Variants in PODNL1 observed in about 807,000 individuals in gnomAD.
PODNL1 encodes the protein podocan like 1.
In PODNL1, 50 loss-of-function variants were observed where a neutral mutation model predicts 45.1. The observed-to-expected ratio is 1.11, with a 90% CI of 0.88 to 1.40. The LOEUF is 1.40. Among genes scored for constraint, PODNL1 ranks in the 40% most tolerant of loss-of-function variants. The pLI, the probability that PODNL1 is intolerant of heterozygous loss-of-function variation, is 0.00. For synonymous variants in PODNL1, 406 were observed against 372.5 expected (o/e 1.09, Z -1.04); for missense variants, 788 against 793.3 (o/e 0.99, Z 0.08).
At chr19:13,935,458 C>T (rs563127453) in intron 5 of PODNL1, among the ~76,000 whole-genome samples, 1 of 152,230 alleles carries the variant, frequency 6.6e-6, no homozygotes, top group East Asian at 1.9e-4. Flanking sequence ...TCCTGAGTGG[C>T]GGGGATTACA....
upstream of PODNL1, among the ~76,000 whole-genome samples, chr19:13,939,370 C>T (rs1273571668): frequency 6.6e-6 from 1 of 152,142 alleles, no homozygotes; most frequent in Admixed American, 6.5e-5. Context: ...TCCCACCATG[C>T]CCAGCTAATT....
chr19:13,950,188 G>A (rs1390948957), intron 1 of PODNL1, among the ~76,000 whole-genome samples: 1 of 146,554 alleles, frequency 6.8e-6, no homozygotes, highest in Non-Finnish European at 1.5e-5. Context: ...TTTTATTTGA[G>A]ACAAGGTCTC....
rs1971947295 is a variant in PODNL1 at position 13,931,678 on chromosome 19, C to T, written c.*59G>A. On this transcript the variant is annotated 3_prime_UTR_variant, in exon 10 of 10. Transcript: ENST00000588872. The stretch of plus-strand genomic sequence containing the variant: ...GGGCCCCTGGTGGGCGTTGTCTCCT[C>T]AGTCCACGGCCCAGCGGAGTCCCAG... 1 of 1,230,376 alleles carries T rather than the reference C, an allele frequency of 8.1e-7. No individual in the cohort carries two copies. Among genetic ancestry groups the T allele is most frequent in the Non-Finnish European group, 1.0e-6 (1 of 986,990 alleles). 76.2% of individuals were successfully genotyped at this position (1,230,376 alleles called of 1,614,324 possible). A position where few individuals can be genotyped will look rare whatever the true frequency, so the allele number is the denominator to read the frequency against.
chr19:13,943,251 G>A (rs768485039), upstream of PODNL1, among the ~76,000 whole-genome samples: 1 of 149,064 alleles, frequency 6.7e-6, no homozygotes, highest in African/African-American at 2.5e-5. Context: ...AGCTGAGATC[G>A]CGCCATTGCA....
chr19:13,947,046 C>A (rs867057241), intron 1 of PODNL1, among the ~76,000 whole-genome samples: 145 of 136,526 alleles, frequency 1.1e-3, no homozygotes, highest in Middle Eastern at 3.6e-3. Flanking sequence ...AAAAAAAACA[C>A]AAAAAAACAA....
intron 3 of PODNL1, 85 bp from the exon 4 acceptor site, chr19:13,936,129 T>TCGGCCCA: frequency 7.9e-7 from 1 of 1,267,468 alleles, no homozygotes; most frequent in Non-Finnish European, 1.1e-6. Context: ...CCCAGGACTC[T>TCGGCCCA]CGGCCGGGGA....
In PODNL1 at chr19:13,932,949, C is replaced by A. The variant is rs1002436659; in HGVS notation, c.1274G>T (p.Arg425Leu). The A allele has an allele frequency of 5.8e-6, 9 of 1,561,704 alleles. No homozygotes were observed. In the African/African-American group the frequency reaches 1.2e-4, roughly 21 times the overall value. ...RLPMGLPTGLRTLQLQRNQLR... is the reference protein window; with the variant it reads ...RLPMGLPTGLLTLQLQRNQLR... ...CTGGTTGCGTTGCAGCTGCAGGGTG[C>A]GCAGGCCAGTGGGCAGGCCCATGGG... The change falls in exon 8 of 10, where the codon CGC becomes CTC. Residue 425 changes from arginine to leucine, a missense_variant. This residue lies in a region of PODNL1 where 762 missense variants were observed against 750.9 expected (regional missense o/e 1.01). Transcript: ENST00000588872.
chr19:13,943,618 C>T (rs1012437078), intron 1 of PODNL1, among the ~76,000 whole-genome samples: 5 of 152,096 alleles, frequency 3.3e-5, no homozygotes, highest in East Asian at 1.9e-4. Flanking sequence ...CATGCCACCA[C>T]GCCCGGCTAA....
At chr19:13,940,172 C>G (rs988666309), upstream of PODNL1, among the ~76,000 whole-genome samples, 1 of 151,976 alleles carries the variant, frequency 6.6e-6, no homozygotes, top group Non-Finnish European at 1.5e-5. Flanking sequence ...GCCTGTAATC[C>G]CAACACTTTT....
In PODNL1 at chr19:13,938,069, G is replaced by A. The variant is rs754851042; in HGVS notation, c.4-63C>T. Reference sequence around the variant, plus strand: ...GCGCAGGGTCGCCATGGTGACTGGAGCATCCCCTCCTCGGGGAGGGTCTTG... The same window carrying A: ...GCGCAGGGTCGCCATGGTGACTGGAACATCCCCTCCTCGGGGAGGGTCTTG... On this transcript the variant is annotated intron_variant, in intron 1 of 9. Transcript: ENST00000588872. 340 of 1,452,458 alleles carry A rather than the reference G, an allele frequency of 2.3e-4. 1 individual carries two copies. The highest frequency in any genetic ancestry group is 2.9e-4 in the Non-Finnish European group (313 of 1,078,072). The allele number at this position is 1,452,458 out of a possible 1,614,324, so 90.0% of individuals were successfully genotyped here. A position where few individuals can be genotyped will look rare whatever the true frequency, so the allele number is the denominator to read the frequency against.
At chr19:13,942,534 A>G (rs568150499), upstream of PODNL1, among the ~76,000 whole-genome samples, 97 of 152,188 alleles carry the variant, frequency 6.4e-4, no homozygotes, top group South Asian at 1.2e-3. Flanking sequence ...CTTCTGCCAC[A>G]CTGTCCTGTC....
rs932203302 is a variant in PODNL1 at position 13,948,183 on chromosome 19, A to ATTTTC, written c.18+4931_18+4935dup. On this transcript the variant is annotated intron_variant, in intron 1 of 7. Coordinates refer to the PODNL1 transcript ENST00000538371. ...TGAGCCACCACGGCCAATATTCTCC[A>ATTTTC]TTTTCTTTTCTTTTCTTTTCTTTTT... Among the ~76,000 whole-genome samples, 26 of 146,864 alleles carry ATTTTC rather than the reference A, an allele frequency of 1.8e-4. No homozygotes were observed. In the East Asian group the frequency reaches 1.8e-3, roughly 10 times the overall value.
In PODNL1 at chr19:13,933,331, C is replaced by A; in HGVS notation, c.892G>T (p.Ala298Ser). The change falls in exon 8 of 10, where the codon GCT (alanine) becomes TCT (serine). Residue 298 changes from alanine (A) to serine (S), a missense_variant. Ala to Ser is a moderately conservative substitution (Grantham distance 99). Transcript: ENST00000588872. This position sits in a 1 kb window ranked among gnomAD's most constrained non-coding sequence, Gnocchi z 5.2. ...GRNRIRQVEAARLHGARGLRY... is the reference protein window; with the variant it reads ...GRNRIRQVEASRLHGARGLRY... ...AGACCACGCGCCCCGTGCAGCCGAG[C>A]CGCCTCCACCTGCCGGATGCGGTTG... is the stretch of plus-strand genomic sequence containing the variant. 1 of 1,602,966 alleles carries A rather than the reference C, an allele frequency of 6.2e-7. No homozygotes were observed. Among genetic ancestry groups the A allele is most frequent in the Non-Finnish European group, 8.5e-7 (1 of 1,177,930 alleles).
upstream of PODNL1, chr19:13,938,430 C>A (rs1972528217): frequency 7.7e-7 from 1 of 1,302,494 alleles, no homozygotes; most frequent in Non-Finnish European, 9.7e-7. Context: ...CCCCTTGGTC[C>A]CCCCCAACAA....
exon 1 of PODNL1, chr19:13,953,229 A>C: frequency 8.0e-7 from 1 of 1,251,428 alleles, no homozygotes; most frequent in Non-Finnish European, 1.1e-6. Context: ...CAGACTGGAA[A>C]CTCCCAGAGC....
chr19:13,935,137 TGTGTAA>T (rs1193402522), intron 5 of PODNL1, among the ~76,000 whole-genome samples: 6 of 149,240 alleles, frequency 4.0e-5, no homozygotes, highest in African/African-American at 1.5e-4. Flanking sequence ...TATGTGAGTC[TGTGTAA>T]GTGTGTGTGT....
intron 5 of PODNL1, among the ~76,000 whole-genome samples, 169 bp downstream of exon 5, chr19:13,935,552 C>T (rs111541262): frequency 2.6e-5 from 4 of 152,128 alleles, no homozygotes; most frequent in African/African-American, 9.7e-5. Context: ...GTCTCGAACT[C>T]CTGACCCCAG....
intron 1 of PODNL1, chr19:13,952,990 A>G (rs1973144960): frequency 8.1e-6 from 9 of 1,117,978 alleles, no homozygotes; most frequent in Non-Finnish European, 1.2e-5. Context: ...CTCTGCTCCC[A>G]TGGTTGCTCC....
At chr19:13,950,609 G>A (rs1385046090) in intron 1 of PODNL1, among the ~76,000 whole-genome samples, 1 of 152,238 alleles carries the variant, frequency 6.6e-6, no homozygotes, top group African/African-American at 2.4e-5. Context: ...GGTCCGTGAT[G>A]TCAGTATGAC....
Sources: gnomAD v4.1 joint callset for allele counts (sites outside exome capture counted in the v4.1 genomes callset) on GRCh38, gnomAD v4.1.1 for gene constraint, gnomAD v4.1.1 regional missense constraint, Gnocchi (gnomAD v3.1) non-coding constraint, MANE v1.5 for transcripts, NCBI Gene and HGNC (gene_info 2026-07-23, HGNC 2026-07-21) for gene names.